Variants in STPG2 observed in about 807,000 individuals in gnomAD.
STPG2 encodes the protein sperm tail PG-rich repeat containing 2.
Under a neutral mutation model 54.2 loss-of-function variants are expected in STPG2, and 56 were observed. That is an observed-to-expected ratio of 1.03 (90% CI 0.83 to 1.29). The LOEUF (loss-of-function observed/expected upper bound fraction) is 1.29. Among genes scored for constraint, STPG2 ranks in the 50% most tolerant of loss-of-function variants. The pLI is 0.00. For missense variants in STPG2, 596 were observed against 544.9 expected (o/e 1.09, Z -0.93); for synonymous variants, 200 against 181.8 (o/e 1.10, Z -0.81).
intron 10 of STPG2, among the ~76,000 whole-genome samples, chr4:97,586,701 C>T (rs572889701): frequency 2.6e-5 from 4 of 151,978 alleles, no homozygotes; most frequent in African/African-American, 9.6e-5. Context: ...AAAACACCAT[C>T]AACATGAATT....
Position 97,570,006 on chromosome 4 carries a change from C to T in STPG2, c.1321-10889G>A, listed in dbSNP as rs1056378491. On this transcript the variant is annotated intron_variant, in intron 10 of 10. Transcript: ENST00000295268. Reference sequence around the variant, plus strand: ...ATTACTCCAACAAAAAGTACATAATCTGATGCTAATCATAAGGAAATACCA... The same window carrying T: ...ATTACTCCAACAAAAAGTACATAATTTGATGCTAATCATAAGGAAATACCA... Among the ~76,000 whole-genome samples, 7 of 152,110 alleles carry T rather than the reference C, an allele frequency of 4.6e-5. No homozygotes were observed. The East Asian group carries it at 1.4e-3, about 29-fold the overall frequency.
At chr4:98,127,525 A>C (rs1739864655) in intron 3 of STPG2, among the ~76,000 whole-genome samples, 1 of 152,202 alleles carries the variant, frequency 6.6e-6, no homozygotes, top group African/African-American at 2.4e-5. Flanking sequence ...TTCTTTGCCC[A>C]AGGTGTCTCT....
intron 9 of STPG2, among the ~76,000 whole-genome samples, chr4:97,770,593 G>A (rs1726187906): frequency 6.6e-6 from 1 of 152,166 alleles, no homozygotes; most frequent in African/African-American, 2.4e-5. Context: ...GTAGAAGCAA[G>A]GGAAGAAGCA....
At chr4:98,131,603 T>C (rs187337914) in intron 2 of STPG2, among the ~76,000 whole-genome samples, 2 of 152,224 alleles carry the variant, frequency 1.3e-5, no homozygotes, top group Admixed American at 1.3e-4. Flanking sequence ...CATGAAAAAG[T>C]TATGACAAGA....
intron 10 of STPG2, chr4:97,633,579 T>C (rs1721377685): frequency 1.3e-5 from 2 of 151,810 alleles, no homozygotes; most frequent in African/African-American, 2.4e-5. Flanking sequence ...CCATCTGAGG[T>C]ACCGGGTTCA....
chr4:97,930,511 C>G (rs569447990), intron 8 of STPG2, among the ~76,000 whole-genome samples: 3 of 152,154 alleles, frequency 2.0e-5, no homozygotes, highest in Non-Finnish European at 4.4e-5. Context: ...CATGTCTGGT[C>G]TCTCTTTTTT....
intron 10 of STPG2, among the ~76,000 whole-genome samples, chr4:97,666,290 T>C (rs923148810): frequency 2.6e-5 from 4 of 152,184 alleles, no homozygotes; most frequent in Non-Finnish European, 4.4e-5. Flanking sequence ...ATCATGGCAG[T>C]GGCCTCTCTA....
intron 8 of STPG2, among the ~76,000 whole-genome samples, chr4:97,863,312 T>G (rs1013077389): frequency 6.6e-6 from 1 of 152,116 alleles, no homozygotes; most frequent in Non-Finnish European, 1.5e-5. Context: ...GAGAATACTA[T>G]AAACACCTCT....
chr4:97,883,528 G>A (rs1367243341), intron 8 of STPG2, among the ~76,000 whole-genome samples: 1 of 151,972 alleles, frequency 6.6e-6, no homozygotes, highest in Non-Finnish European at 1.5e-5. Flanking sequence ...TGACTAACAT[G>A]AATGGACAGA....
At chr4:97,761,188 C>A (rs1725878424) in intron 9 of STPG2, among the ~76,000 whole-genome samples, 1 of 152,090 alleles carries the variant, frequency 6.6e-6, no homozygotes, top group African/African-American at 2.4e-5. Context: ...CTTGAAATTC[C>A]AACTCACAGT....
At chr4:97,732,121 C>T (rs1001348391) in intron 9 of STPG2, among the ~76,000 whole-genome samples, 7 of 152,248 alleles carry the variant, frequency 4.6e-5, no homozygotes, top group African/African-American at 1.7e-4. Flanking sequence ...GCCAGAGCTG[C>T]TCAGAGCAAG....
chr4:98,067,377 T>C (rs890122539), intron 5 of STPG2, among the ~76,000 whole-genome samples: 2 of 152,160 alleles, frequency 1.3e-5, no homozygotes, highest in African/African-American at 4.8e-5. Flanking sequence ...TATTCAATTT[T>C]AAAGAAAATG....
intron 10 of STPG2, among the ~76,000 whole-genome samples, chr4:97,689,547 A>T (rs769730619): frequency 9.2e-5 from 14 of 152,136 alleles, no homozygotes; most frequent in Non-Finnish European, 1.9e-4. Context: ...GACATTTTAT[A>T]TGACTATTAA....
chr4:97,619,457 C>G (rs1733951390), intron 10 of STPG2, among the ~76,000 whole-genome samples: 1 of 151,516 alleles, frequency 6.6e-6, no homozygotes. Flanking sequence ...GAAACATTAA[C>G]TAGAGAACTA....
intron 9 of STPG2, among the ~76,000 whole-genome samples, chr4:97,786,494 G>A (rs896038815): frequency 1.3e-5 from 2 of 152,014 alleles, no homozygotes; most frequent in Non-Finnish European, 2.9e-5. Context: ...CTCTCCCTTA[G>A]TGCAGTTTCA....
At chr4:97,566,394 G>T (rs1732441869) in intron 10 of STPG2, among the ~76,000 whole-genome samples, 1 of 152,174 alleles carries the variant, frequency 6.6e-6, no homozygotes, top group African/African-American at 2.4e-5. Flanking sequence ...CTTCCCGAGT[G>T]AGGCAATGCC....
At chr4:97,714,462 C>T (rs966624291) in intron 9 of STPG2, among the ~76,000 whole-genome samples, 2 of 152,072 alleles carry the variant, frequency 1.3e-5, no homozygotes, top group East Asian at 3.9e-4. Flanking sequence ...CATCCAGGCT[C>T]TAGCCCAGTC....
intron 10 of STPG2, among the ~76,000 whole-genome samples, chr4:97,672,214 C>T (rs1293694767): frequency 8.5e-6 from 1 of 117,654 alleles, no homozygotes; most frequent in African/African-American, 3.1e-5. Flanking sequence ...ACTCTTGTTG[C>T]CCCGGCTGGA....
chr4:97,452,109 G>GT (rs1729385193), intron 4 of STPG2, among the ~76,000 whole-genome samples: 1 of 18,938 alleles, frequency 5.3e-5, no homozygotes, highest in African/African-American at 2.6e-4. Flanking sequence ...GCAGGCAGGA[G>GT]CCCCGCCCCC....
Sources: gnomAD v4.1 joint callset for allele counts (sites outside exome capture counted in the v4.1 genomes callset) on GRCh38, gnomAD v4.1.1 for gene constraint, MANE v1.5 for transcripts, NCBI Gene and HGNC (gene_info 2026-07-23, HGNC 2026-07-21) for gene names.